Variants in BAZ2A observed in about 807,000 individuals in gnomAD.
BAZ2A encodes bromodomain adjacent to zinc finger domain 2A.
In BAZ2A, 34 loss-of-function variants were observed where a neutral mutation model predicts 199.9. That is an observed-to-expected ratio of 0.17 (90% CI 0.13 to 0.23). BAZ2A has a LOEUF of 0.23. Ranked by LOEUF, BAZ2A falls within the 10% of genes least tolerant of loss-of-function variation. BAZ2A has a pLI of 1.00. For missense variants in BAZ2A, 2,002 were observed against 2,391.1 expected, an observed-to-expected ratio of 0.84 and a Z score of 3.39; for synonymous variants, 857 against 883.9, an observed-to-expected ratio of 0.97 and a Z score of 0.54.
intron 7 of BAZ2A, among the ~76,000 whole-genome samples, chr12:56,610,847 G>A (rs1950537991): frequency 6.6e-6 from 1 of 152,150 alleles, no homozygotes; most frequent in South Asian, 2.1e-4. Flanking sequence ...CCAGTAAAGA[G>A]GATAAAGACC....
upstream of BAZ2A, among the ~76,000 whole-genome samples, chr12:56,630,487 G>A (rs1592632467): frequency 6.6e-6 from 1 of 152,266 alleles, no homozygotes; most frequent in African/African-American, 2.4e-5. Context: ...TGCCCACCTG[G>A]CAGCTCCCTC....
Position 56,610,222 on chromosome 12 carries a change from G to A in BAZ2A, c.1780-7C>T. ...CCACGTTGCGGCTCAGGTACTAAGA[G>A]GAAGAAGTAAAGTAACATTAATAAA... On this transcript the variant is annotated splice_polypyrimidine_tract_variant and splice_region_variant and intron_variant, in intron 8 of 28. Transcript: ENST00000549884. The A allele has an allele frequency of 1.2e-6, 2 of 1,613,734 alleles. No homozygotes were observed. The highest frequency in any genetic ancestry group is 1.1e-5 in the South Asian group (1 of 91,080).
rs750763463 is a variant in BAZ2A at position 56,617,246 on chromosome 12, T to C, written c.136+149A>G. The C allele has an allele frequency of 2.9e-4, 287 of 996,714 alleles. 2 individuals carry two copies. The highest frequency in any genetic ancestry group is 6.4e-5 in the Non-Finnish European group (47 of 736,376). The allele number at this position is 996,714 out of a possible 1,614,324, so 61.7% of individuals were successfully genotyped here. On this transcript the variant is annotated intron_variant, in intron 2 of 28. Coordinates refer to ENST00000549884, the MANE Select transcript of BAZ2A (RefSeq NM_001300905.2). ...CTAATCTCTTCCAACCTTAAATCAA[T>C]ACAAAAAATGTTTCCAAAAAACCCT...
intron 10 of BAZ2A, among the ~76,000 whole-genome samples, chr12:56,608,874 T>TA (rs1279277970): frequency 1.5e-5 from 2 of 137,248 alleles, no homozygotes; most frequent in Non-Finnish European, 1.6e-5. Context: ...TGGCTTTTTT[T>TA]TTTTTTTTTT....
chr12:56,617,554 G>T, intron 1 of BAZ2A, 22 bp from the exon 2 acceptor site: 1 of 1,581,438 alleles, frequency 6.3e-7, no homozygotes, highest in Non-Finnish European at 8.6e-7. Flanking sequence ...GAGAGAGAGG[G>T]AAAAAAAATA....
chr12:56,615,557 T>A lies in BAZ2A; in HGVS notation c.187A>T (p.Thr63Ser). 6.2e-7 allele frequency: 1 copy of A among 1,612,568 alleles called. No individual in the cohort carries two copies. Among genetic ancestry groups the A allele is most frequent in the Non-Finnish European group, 8.5e-7 (1 of 1,179,588 alleles). ...GCAGAGTTCAAAATCCCTGAAGTAG[T>A]AGTGTGAGATACAGTAGATAAGCCA... Reference protein sequence around the residue: ...VNGLSTVSHTTTSGILNSAPH... With the variant: ...VNGLSTVSHTSTSGILNSAPH... The change falls in exon 3 of 29, where the codon ACT becomes TCT. Residue 63 changes from threonine to serine, a missense_variant. Physicochemically the swap from Thr to Ser is moderately conservative, Grantham distance 58. This residue lies in a region of BAZ2A where 641 missense variants were observed against 694.5 expected (regional missense o/e 0.92). Transcript: ENST00000549884.
chr12:56,610,193 T>C lies in BAZ2A; in HGVS notation c.1802A>G (p.His601Arg). The stretch of plus-strand genomic sequence containing the variant: ...GCTGAAGTGCTCTCGGCGGACACTG[T>C]GTACCACGTTGCGGCTCAGGTACTA... ...VIKYLSRNVV[H>R]SVRREHFSFS... The change falls in exon 9 of 29, where the codon CAC becomes CGC. Residue 601 changes from histidine (H) to arginine (R), a missense_variant. Physicochemically the swap from His to Arg is conservative, Grantham distance 29. Transcript: ENST00000549884. The C allele has an allele frequency of 6.2e-7, 1 of 1,613,984 alleles. No homozygotes were observed. The highest frequency in any genetic ancestry group is 8.5e-7 in the Non-Finnish European group (1 of 1,179,890).
chr12:56,631,833 T>G (rs1485625973), upstream of BAZ2A, among the ~76,000 whole-genome samples: 1 of 152,070 alleles, frequency 6.6e-6, no homozygotes, highest in African/African-American at 2.4e-5. Context: ...GATCCATCAG[T>G]CTACATTGGA....
chr12:56,605,622 A>G lies in BAZ2A; in HGVS notation c.2493+208T>C, dbSNP rs1001519107. ...TTTTTTGTAGAGATGAGGTCTCGCC[A>G]TGTTGCCCAGGCTGGTCTTGAACTG... On this transcript the variant is annotated intron_variant, in intron 13 of 28. Coordinates refer to ENST00000549884, the MANE Select transcript of BAZ2A (RefSeq NM_001300905.2). 6.2e-6 allele frequency: 4 copies of G among 641,958 alleles called. No homozygotes were observed. In the Admixed American group the frequency reaches 1.3e-4, roughly 20 times the overall value. The allele number at this position is 641,958 out of a possible 1,614,324, so 39.8% of individuals were successfully genotyped here. A position where few individuals can be genotyped will look rare whatever the true frequency, so the allele number is the denominator to read the frequency against.
intron 1 of BAZ2A, among the ~76,000 whole-genome samples, chr12:56,620,395 G>A (rs144380394): frequency 2.8e-4 from 42 of 152,080 alleles, no homozygotes; most frequent in African/African-American, 6.5e-4. Context: ...CAGCCACTTG[G>A]GAGGCTGAGG....
Position 56,605,391 on chromosome 12 carries a change from C to T in BAZ2A, c.2494-64G>A, listed in dbSNP as rs143853780. 8,676 of 1,416,252 alleles carry T rather than the reference C, an allele frequency of 6.1e-3. 44 individuals are homozygous for T. Among genetic ancestry groups the T allele is most frequent in the Non-Finnish European group, 7.5e-3 (7,930 of 1,058,600 alleles). The allele number at this position is 1,416,252 out of a possible 1,614,324, so 87.7% of individuals were successfully genotyped here. On this transcript the variant is annotated intron_variant, in intron 13 of 28. Transcript: ENST00000549884. ...TAACAGAAGATGACAATTTGCATGT[C>T]TACAAGAGGTTCTTCCTTTAATTTT...
chr12:56,631,390 G>A (rs1951307192), upstream of BAZ2A, among the ~76,000 whole-genome samples: 1 of 150,172 alleles, frequency 6.7e-6, no homozygotes, highest in Admixed American at 6.6e-5. Context: ...GGTGGAGGTT[G>A]CAGTGAACTG....
chr12:56,623,995 G>A (rs1951004596), intron 1 of BAZ2A, among the ~76,000 whole-genome samples: 1 of 151,872 alleles, frequency 6.6e-6, no homozygotes, highest in Non-Finnish European at 1.5e-5. Flanking sequence ...GCTGGGAGAG[G>A]TGGCTCATGC....
Position 56,603,575 on chromosome 12 carries a change from T to G in BAZ2A, c.3164A>C (p.Glu1055Ala). The part of the protein sequence containing the change: ...MEETSGMEEE[E>A]EEESIAAVPG... ...GACAGCTGCTATAGACTCCTCTTCT[T>G]CCTCTTCTTCCATGCCACTGGTCTC... Residue 1055 changes from glutamate to alanine, a missense_variant, in exon 17 of 29, where the codon GAA becomes GCA. By Grantham distance (107) the Glu-to-Ala change is moderately radical. This residue lies in a region of BAZ2A where 1,081 missense variants were observed against 1,274.7 expected (regional missense o/e 0.85). Transcript: ENST00000549884. The G allele has an allele frequency of 6.2e-7, 1 of 1,614,030 alleles. No individual in the cohort carries two copies. Among genetic ancestry groups the G allele is most frequent in the Non-Finnish European group, 8.5e-7 (1 of 1,179,898 alleles).
intron 13 of BAZ2A, 135 bp from the exon 14 acceptor site, chr12:56,605,462 C>T (rs563469903): frequency 5.0e-6 from 5 of 1,009,576 alleles, no homozygotes; most frequent in Non-Finnish European, 6.9e-6. Flanking sequence ...CACTCTGTCA[C>T]CCAAGCTGGA....
chr12:56,612,744 TC>T (rs1950600716), intron 5 of BAZ2A, among the ~76,000 whole-genome samples: 1 of 152,228 alleles, frequency 6.6e-6, no homozygotes, highest in African/African-American at 2.4e-5. Flanking sequence ...TGCCTCAGCC[TC>T]CCAGGTAGCT....
rs1950616478 is a variant in BAZ2A at position 56,613,209 on chromosome 12, C to T, written c.941G>A (p.Gly314Asp). 3.1e-6 allele frequency: 5 copies of T among 1,613,988 alleles called. No homozygotes were observed. The highest frequency in any genetic ancestry group is 3.4e-6 in the Non-Finnish European group (4 of 1,179,888). Residue 314 changes from glycine to aspartate, a missense_variant, in exon 5 of 29, where the codon GGT becomes GAT. Physicochemically the swap from Gly to Asp is moderately conservative, Grantham distance 94. Transcript: ENST00000549884. Reference protein sequence around the residue: ...APEPVSGGLYGIDDTELMGAE... With the variant: ...APEPVSGGLYDIDDTELMGAE... ...ACCCATCAGCTCCGTGTCATCAATA[C>T]CATATAGTCCTCCACTCACTGGCTC...
At position 56,610,662 on chromosome 12, in the gene BAZ2A, A is replaced by G. The variant is rs544856779; in HGVS notation, c.1671-145T>C. On this transcript the variant is annotated intron_variant, in intron 7 of 28. Transcript: ENST00000549884. The stretch of plus-strand genomic sequence containing the variant: ...TGCAGATGCAAAAGCACCAAGAGAG[A>G]TAAGCTTGGCTAGAAGGCTGACTTG... 10 of 701,244 alleles carry G rather than the reference A, an allele frequency of 1.4e-5. No homozygotes were observed. The South Asian group carries it at 1.5e-4, about 10-fold the overall frequency. 43.4% of individuals were successfully genotyped at this position (701,244 alleles called of 1,614,324 possible).
chr12:56,614,903 A>G, intron 3 of BAZ2A, 111 bp downstream of exon 3: 1 of 1,127,682 alleles, frequency 8.9e-7, no homozygotes, highest in Non-Finnish European at 1.3e-6. Flanking sequence ...CATGCAAATC[A>G]GCCTCCACTG....
Sources: gnomAD v4.1 joint callset for allele counts (sites outside exome capture counted in the v4.1 genomes callset) on GRCh38, gnomAD v4.1.1 for gene constraint, gnomAD v4.1.1 regional missense constraint, MANE v1.5 for transcripts, NCBI Gene and HGNC (gene_info 2026-07-23, HGNC 2026-07-21) for gene names.